Variants in ANKS1B observed in about 807,000 individuals in gnomAD.
ANKS1B encodes ankyrin repeat and sterile alpha motif domain-containing protein 1B.
In ANKS1B, 36 loss-of-function variants were observed where a neutral mutation model predicts 148.3. That is an observed-to-expected ratio of 0.24 (90% CI 0.19 to 0.32). ANKS1B has a LOEUF of 0.32. Among genes scored for constraint, ANKS1B ranks in the 10% least tolerant of loss-of-function variants. The pLI is 1.00. For synonymous variants in ANKS1B, 542 were observed against 560.8 expected (o/e 0.97, Z 0.47); for missense variants, 1,157 against 1,542.6 (o/e 0.75, Z 4.19).
At chr12:99,111,257 A>T (rs1258817983) in intron 15 of ANKS1B, among the ~76,000 whole-genome samples, 2 of 152,240 alleles carry the variant, frequency 1.3e-5, no homozygotes, top group Admixed American at 6.5e-5. Flanking sequence ...TTCTAATGGT[A>T]TCAGAGACCT....
chr12:99,207,635 A>T (rs1041542516), intron 14 of ANKS1B, among the ~76,000 whole-genome samples: 1 of 152,086 alleles, frequency 6.6e-6, no homozygotes, highest in Non-Finnish European at 1.5e-5. Flanking sequence ...ATTCCACTGG[A>T]AGTTAAACTT....
chr12:99,513,748 T>C (rs2096789439), intron 9 of ANKS1B, among the ~76,000 whole-genome samples: 2 of 152,050 alleles, frequency 1.3e-5, no homozygotes, highest in Non-Finnish European at 2.9e-5. Context: ...AGCTACCGCA[T>C]GCTAGTCCAG....
intron 17 of ANKS1B, among the ~76,000 whole-genome samples, chr12:99,000,901 G>A (rs545715224): frequency 8.3e-4 from 127 of 152,134 alleles, no homozygotes; most frequent in Non-Finnish European, 1.2e-3. Flanking sequence ...ATGTCATCAA[G>A]TTTCATTCCT....
chr12:99,123,058 C>CA (rs150690172), intron 15 of ANKS1B, among the ~76,000 whole-genome samples: 6,549 of 144,034 alleles, frequency 0.045, 345 homozygotes, highest in African/African-American at 0.12. Flanking sequence ...AAAAAACCAA[C>CA]AAAAAAACCC....
chr12:99,851,165 C>A (rs1329237233), intron 1 of ANKS1B, among the ~76,000 whole-genome samples: 2 of 151,970 alleles, frequency 1.3e-5, no homozygotes, highest in Non-Finnish European at 2.9e-5. Flanking sequence ...CACTTGAAAC[C>A]CTGAAAATCA....
intron 12 of ANKS1B, among the ~76,000 whole-genome samples, chr12:99,363,397 A>G (rs1023191281): frequency 1.3e-5 from 2 of 152,208 alleles, no homozygotes; most frequent in Non-Finnish European, 2.9e-5. Flanking sequence ...ATGAAATGCT[A>G]TGATTAACAA....
At chr12:99,024,757 C>T (rs997139347) in intron 17 of ANKS1B, among the ~76,000 whole-genome samples, 5 of 152,180 alleles carry the variant, frequency 3.3e-5, no homozygotes, top group African/African-American at 9.7e-5. Flanking sequence ...CAGTTAGGAG[C>T]GTACTTTAGA....
At chr12:99,773,219 G>T in intron 7 of ANKS1B, 131 bp from the exon 8 acceptor site, 1 of 659,800 alleles carries the variant, frequency 1.5e-6, no homozygotes. Context: ...ACACTATTCT[G>T]CTGAAAACAA....
At chr12:99,607,067 A>T (rs1219074101) in intron 9 of ANKS1B, among the ~76,000 whole-genome samples, 4 of 152,094 alleles carry the variant, frequency 2.6e-5, no homozygotes, top group Admixed American at 2.6e-4. Flanking sequence ...GGAGTACTTG[A>T]CTGCTCCCAG....
At position 98,796,033 on chromosome 12, in the gene ANKS1B, C is replaced by T. The variant is rs183199311; in HGVS notation, c.3342+2901G>A. 4.6e-5 allele frequency among the ~76,000 whole-genome samples: 7 copies of T among 152,244 alleles called. No individual in the cohort carries two copies. In the East Asian group the frequency reaches 1.2e-3, roughly 25 times the overall value. ...CATGAGTATATGTCATTTTTAAGAT[C>T]GTCTATTATGATCCCTTAGGCTGAT... On this transcript the variant is annotated intron_variant, in intron 22 of 26. Transcript: ENST00000683438.
intron 17 of ANKS1B, among the ~76,000 whole-genome samples, chr12:98,963,954 C>A (rs572534970): frequency 6.6e-6 from 1 of 152,214 alleles, no homozygotes; most frequent in South Asian, 2.1e-4. Context: ...ACAAAATTAG[C>A]TGGGTATGGT....
At chr12:99,909,106 A>G (rs899005937) in intron 1 of ANKS1B, among the ~76,000 whole-genome samples, 1 of 151,238 alleles carries the variant, frequency 6.6e-6, no homozygotes, top group African/African-American at 2.4e-5. Flanking sequence ...GAGATCATGC[A>G]GTGTTTTTCT....
chr12:99,286,795 G>T (rs1602430611), intron 12 of ANKS1B, among the ~76,000 whole-genome samples: 1 of 152,134 alleles, frequency 6.6e-6, no homozygotes, highest in Admixed American at 6.5e-5. Flanking sequence ...CTAGAACAGT[G>T]GTGGCCACAG....
chr12:99,133,453 A>G (rs983103102), intron 15 of ANKS1B, among the ~76,000 whole-genome samples: 4 of 151,434 alleles, frequency 2.6e-5, no homozygotes, highest in Non-Finnish European at 2.9e-5. Flanking sequence ...CTTTTAAATA[A>G]CCTCCCTGTC....
chr12:98,921,525 C>A (rs1445734971), intron 17 of ANKS1B, among the ~76,000 whole-genome samples: 2 of 152,126 alleles, frequency 1.3e-5, no homozygotes, highest in African/African-American at 4.8e-5. Flanking sequence ...ATAGGCCCAC[C>A]AATTATTGCC....
At chr12:99,706,325 T>C (rs909548319) in intron 8 of ANKS1B, 4 of 151,944 alleles carry the variant, frequency 2.6e-5, no homozygotes, top group African/African-American at 9.7e-5. Context: ...ATGGTTGGGG[T>C]ACTGCTTTTT....
At chr12:99,664,227 CA>C (rs2098493963) in intron 8 of ANKS1B, among the ~76,000 whole-genome samples, 1 of 151,706 alleles carries the variant, frequency 6.6e-6, no homozygotes, top group African/African-American at 2.4e-5. Flanking sequence ...TCCTCCATGA[CA>C]GATCATTTTA....
chr12:99,165,878 T>G (rs1236580460), intron 14 of ANKS1B, among the ~76,000 whole-genome samples: 1 of 151,878 alleles, frequency 6.6e-6, no homozygotes, highest in African/African-American at 2.4e-5. Context: ...GTAAAAATTC[T>G]TAACAAAATT....
At chr12:99,715,501 C>T (rs1022057799) in intron 8 of ANKS1B, among the ~76,000 whole-genome samples, 3 of 152,156 alleles carry the variant, frequency 2.0e-5, no homozygotes, top group East Asian at 1.9e-4. Flanking sequence ...TGACTCTTTT[C>T]GGACTCAGCC....
Sources: gnomAD v4.1 joint callset for allele counts (sites outside exome capture counted in the v4.1 genomes callset) on GRCh38, gnomAD v4.1.1 for gene constraint, MANE v1.5 for transcripts, NCBI Gene and HGNC (gene_info 2026-07-23, HGNC 2026-07-21) for gene names.